The following GLRA2 variants were observed in gnomAD, a reference collection of about 807,000 sequenced individuals.
GLRA2 encodes glycine receptor subunit alpha-2.
GLRA2 carries 11 observed loss-of-function variants against 31.6 expected under a neutral mutation model. That is an observed-to-expected ratio of 0.35 (90% confidence interval 0.22 to 0.58). The LOEUF is 0.58. GLRA2 is among the 20% of genes least tolerant of loss of function. The pLI is 0.84. For missense variants in GLRA2, 212 were observed against 351.8 expected (o/e 0.60, Z 3.18); for synonymous variants, 132 against 134.0 (o/e 0.99, Z 0.10).
At chrX:14,645,493 T>C (rs981667956) in intron 7 of GLRA2, among the ~76,000 whole-genome samples, 1 of 111,815 alleles carries the variant, frequency 8.9e-6, no homozygotes, top group Non-Finnish European at 1.9e-5. Flanking sequence ...GTAAACTCTA[T>C]GTTCCCTCCT....
At chrX:14,551,748 T>C (rs1228982695) in intron 2 of GLRA2, among the ~76,000 whole-genome samples, 1 of 111,793 alleles carries the variant, frequency 8.9e-6, no homozygotes, top group African/African-American at 3.3e-5. Flanking sequence ...ACCCTAGGAA[T>C]GTTTTCATTT....
chrX:14,685,516 G>A, intron 7 of GLRA2, among the ~76,000 whole-genome samples: 1 of 111,560 alleles, frequency 9.0e-6, no homozygotes, highest in East Asian at 2.8e-4. Context: ...TCTATTCAGG[G>A]ATTCAACTTC....
At chrX:14,554,171 G>A (rs1245272513) in intron 2 of GLRA2, among the ~76,000 whole-genome samples, 1 of 112,322 alleles carries the variant, frequency 8.9e-6, no homozygotes, top group African/African-American at 3.2e-5. Flanking sequence ...AACACAACAA[G>A]CACCATGATT....
At chrX:14,508,983 C>G in the GLRA2 span, among the ~76,000 whole-genome samples, 6 of 111,610 alleles carry the variant, frequency 5.4e-5, no homozygotes, top group East Asian at 1.7e-3. Flanking sequence ...CTAGGCCACC[C>G]ACTCCCCAGA....
chrX:14,546,469 T>G lies in GLRA2; in HGVS notation c.202+14097T>G, dbSNP rs1021266930. ...TCCGCAGAGTGTATGAATTTGTGAC[T>G]TGGGGCAAATATCCTAAACCCTATT... On this transcript the variant is annotated intron_variant, in intron 2 of 8. Transcript: ENST00000218075. 2.7e-5 allele frequency among the ~76,000 whole-genome samples: 3 copies of G among 111,500 alleles called. No individual in the cohort carries two copies. In the Admixed American group the frequency reaches 2.9e-4, roughly 11 times the overall value.
At chrX:14,518,107 G>T in the GLRA2 span, among the ~76,000 whole-genome samples, 3 of 111,518 alleles carry the variant, frequency 2.7e-5, no homozygotes, top group Non-Finnish European at 5.7e-5. Flanking sequence ...TATTGAAATG[G>T]TACTGAACCC....
chrX:14,459,130 A>G, the GLRA2 span, among the ~76,000 whole-genome samples: 1 of 111,870 alleles, frequency 8.9e-6, no homozygotes, highest in Non-Finnish European at 1.9e-5. Context: ...TAAATAGGAA[A>G]TCCTTTCCCC....
chrX:14,588,006 A>C (rs1174756661), intron 4 of GLRA2, among the ~76,000 whole-genome samples: 8 of 109,265 alleles, frequency 7.3e-5, no homozygotes, highest in African/African-American at 2.7e-4. Flanking sequence ...TCCTGGGTTC[A>C]AGTGATTTTC....
chrX:14,492,018 A>G, the GLRA2 span, among the ~76,000 whole-genome samples: 1 of 111,422 alleles, frequency 9.0e-6, no homozygotes, highest in South Asian at 3.8e-4. Flanking sequence ...TCATTCTAGT[A>G]GAACTGTGAG....
intron 7 of GLRA2, among the ~76,000 whole-genome samples, chrX:14,653,477 G>A (rs1243317492): frequency 1.8e-5 from 2 of 111,985 alleles, no homozygotes; most frequent in Non-Finnish European, 3.8e-5. Context: ...CAGGTGTGGT[G>A]GAAATAGCAA....
rs55910036 is a variant in GLRA2, at chrX:14,730,891, T to TAC, written c.*464_*465dup. The TAC allele has an allele frequency of 4.1e-3, 403 of 97,801 alleles. 5 individuals are homozygous for TAC. The highest frequency in any genetic ancestry group is 0.011 in the African/African-American group (251 of 21,848). 8.1% of individuals were successfully genotyped at this position (97,801 alleles called of 1,213,427 possible). A position where few individuals can be genotyped will look rare whatever the true frequency, so the allele number is the denominator to read the frequency against. On this transcript the variant is annotated 3_prime_UTR_variant, in exon 9 of 9. Transcript: ENST00000218075. Reference sequence around the variant, plus strand: ...AATTCTGGTACTGAAAAGTTAGCTATACACACACACACACACACACACACA... The same window carrying TAC: ...AATTCTGGTACTGAAAAGTTAGCTATACACACACACACACACACACACACACA...
At chrX:14,489,869 C>T in the GLRA2 span, among the ~76,000 whole-genome samples, 1 of 111,572 alleles carries the variant, frequency 9.0e-6, no homozygotes, top group African/African-American at 3.3e-5. Flanking sequence ...CTTTTAAAAC[C>T]AAATAAAAAT....
At chrX:14,513,170 G>A in the GLRA2 span, among the ~76,000 whole-genome samples, 4 of 111,466 alleles carry the variant, frequency 3.6e-5, no homozygotes, top group South Asian at 7.5e-4. Flanking sequence ...GGGAAAGAAC[G>A]CCTGCCCTAT....
chrX:14,456,079 C>T, the GLRA2 span, among the ~76,000 whole-genome samples: 1 of 111,429 alleles, frequency 9.0e-6, no homozygotes, highest in Non-Finnish European at 1.9e-5. Flanking sequence ...GATATGATAA[C>T]CCTAATCTGA....
At chrX:14,495,843 T>C in the GLRA2 span, among the ~76,000 whole-genome samples, 4 of 110,727 alleles carry the variant, frequency 3.6e-5, no homozygotes, top group Non-Finnish European at 5.7e-5. Flanking sequence ...CCAGTTCTTC[T>C]TGATGCCTAA....
At chrX:14,667,597 AATGG>A (rs1392155972) in intron 7 of GLRA2, among the ~76,000 whole-genome samples, 1 of 111,835 alleles carries the variant, frequency 8.9e-6, no homozygotes, top group East Asian at 2.8e-4. Flanking sequence ...AGCCTACTTG[AATGG>A]ATAGATTAAA....
chrX:14,503,805 C>A, the GLRA2 span, among the ~76,000 whole-genome samples: 52 of 111,773 alleles, frequency 4.7e-4, no homozygotes, highest in Non-Finnish European at 7.7e-4. Flanking sequence ...CAAGCTCTAT[C>A]CCTGACCAAT....
chrX:14,700,577 C>A (rs1203686635), intron 8 of GLRA2, among the ~76,000 whole-genome samples: 1 of 111,687 alleles, frequency 9.0e-6, no homozygotes, highest in African/African-American at 3.3e-5. Context: ...AGCTAAGAAG[C>A]AGCCATGGAT....
the GLRA2 span, among the ~76,000 whole-genome samples, chrX:14,493,163 AC>A: frequency 5.4e-5 from 6 of 111,010 alleles, no homozygotes; most frequent in African/African-American, 2.0e-4. Context: ...AAAAATGAAA[AC>A]TATATTCACA....
Sources: allele counts gnomAD v4.1 joint callset (sites outside exome capture counted in the v4.1 genomes callset), GRCh38; gene constraint gnomAD v4.1.1; transcripts MANE v1.5; gene names NCBI Gene and HGNC (gene_info 2026-07-23, HGNC 2026-07-21).